The following MYO1D variants were observed in gnomAD, a reference collection of about 807,000 sequenced individuals.
MYO1D encodes unconventional myosin-Id.
MYO1D carries 83 observed loss-of-function variants against 122.0 expected under a neutral mutation model. That is an observed-to-expected ratio of 0.68 (90% CI 0.57 to 0.82). MYO1D has a LOEUF of 0.82. Ranked by LOEUF, MYO1D falls within the 40% of genes least tolerant of loss-of-function variation. The pLI is 0.00. For synonymous variants in MYO1D, 464 were observed against 446.9 expected (o/e 1.04, Z -0.48); for missense variants, 1,157 against 1,269.5 (o/e 0.91, Z 1.35).
intron 1 of MYO1D, among the ~76,000 whole-genome samples, chr17:32,857,638 C>G (rs1015331608): frequency 2.2e-4 from 33 of 152,090 alleles, no homozygotes; most frequent in African/African-American, 8.0e-4. Context: ...GGTCTTCTCA[C>G]CGTCCCTGAA....
chr17:32,565,671 C>T (rs746015478), intron 21 of MYO1D, among the ~76,000 whole-genome samples: 1 of 152,286 alleles, frequency 6.6e-6, no homozygotes, highest in Admixed American at 6.5e-5. Context: ...TTACCACTGG[C>T]ATCTGAACAG....
chr17:32,837,608 C>CA (rs1472935649), intron 1 of MYO1D, among the ~76,000 whole-genome samples: 6 of 152,146 alleles, frequency 3.9e-5, no homozygotes, highest in African/African-American at 1.4e-4. Context: ...CATCCATACT[C>CA]ACAGAAGTTG....
At chr17:32,764,208 T>C (rs1385551082) in intron 8 of MYO1D, among the ~76,000 whole-genome samples, 1 of 151,994 alleles carries the variant, frequency 6.6e-6, no homozygotes, top group Non-Finnish European at 1.5e-5. Flanking sequence ...CTATATGCAA[T>C]CTGAAAAAGT....
At chr17:32,628,852 C>T (rs897867501) in intron 20 of MYO1D, among the ~76,000 whole-genome samples, 9 of 152,102 alleles carry the variant, frequency 5.9e-5, no homozygotes, top group African/African-American at 2.2e-4. Flanking sequence ...TAAATTTAGT[C>T]TTATCACAGG....
At chr17:32,827,587 T>TA (rs926938916) in intron 1 of MYO1D, among the ~76,000 whole-genome samples, 2 of 152,154 alleles carry the variant, frequency 1.3e-5, no homozygotes, top group East Asian at 3.8e-4. Flanking sequence ...TTTACTACAA[T>TA]AAAAAAATTA....
At chr17:32,875,137 T>C (rs2091217346) in intron 1 of MYO1D, among the ~76,000 whole-genome samples, 1 of 152,232 alleles carries the variant, frequency 6.6e-6, no homozygotes, top group Non-Finnish European at 1.5e-5. Flanking sequence ...TTGTATACAG[T>C]ATGTACATAA....
intron 1 of MYO1D, among the ~76,000 whole-genome samples, chr17:32,873,095 C>A (rs2091197184): frequency 6.6e-6 from 1 of 152,040 alleles, no homozygotes; most frequent in African/African-American, 2.4e-5. Context: ...AAAAGAAGGC[C>A]AGATTAATAG....
chr17:32,770,190 G>A (rs2090099154), intron 6 of MYO1D, among the ~76,000 whole-genome samples: 1 of 152,124 alleles, frequency 6.6e-6, no homozygotes. Flanking sequence ...TCTATGCACA[G>A]CAATAAAAAT....
At chr17:32,676,833 C>T (rs1316624019) in intron 16 of MYO1D, among the ~76,000 whole-genome samples, 2 of 149,486 alleles carry the variant, frequency 1.3e-5, no homozygotes, top group Non-Finnish European at 3.0e-5. Flanking sequence ...TTTTTTGAGA[C>T]GGAGTCTTGC....
chr17:32,850,779 T>C (rs1015690587), intron 1 of MYO1D, among the ~76,000 whole-genome samples: 15 of 152,154 alleles, frequency 9.9e-5, no homozygotes, highest in Admixed American at 3.9e-4. Flanking sequence ...ATTAGTGAAT[T>C]TGAGGGGAAT....
chr17:32,782,621 T>G (rs2090250288), intron 1 of MYO1D, among the ~76,000 whole-genome samples: 2 of 152,232 alleles, frequency 1.3e-5, no homozygotes, highest in African/African-American at 4.8e-5. Context: ...ACATGAGGAA[T>G]GAATGAATTC....
chr17:32,528,004 A>G (rs1038422313), intron 21 of MYO1D, among the ~76,000 whole-genome samples: 2 of 151,932 alleles, frequency 1.3e-5, no homozygotes, highest in African/African-American at 4.8e-5. Flanking sequence ...AGGCCTGGCT[A>G]ATTTTTGTAT....
intron 16 of MYO1D, among the ~76,000 whole-genome samples, chr17:32,690,761 A>G (rs1361070914): frequency 6.6e-6 from 1 of 152,154 alleles, no homozygotes; most frequent in Non-Finnish European, 1.5e-5. Flanking sequence ...TGAGGGCCTC[A>G]CCAGGAGCAG....
intron 21 of MYO1D, among the ~76,000 whole-genome samples, chr17:32,578,269 G>A (rs1752777677): frequency 6.6e-6 from 1 of 152,184 alleles, no homozygotes; most frequent in South Asian, 2.1e-4. Context: ...AATCATAGAG[G>A]GTCACATAGG....
chr17:32,779,825 T>C (rs1427296594), intron 2 of MYO1D, among the ~76,000 whole-genome samples: 2 of 152,232 alleles, frequency 1.3e-5, no homozygotes, highest in Non-Finnish European at 2.9e-5. Context: ...CTGTTCTACA[T>C]ACCAGAGAGT....
Position 32,721,062 on chromosome 17 carries a change from C to T in MYO1D, c.1874G>A (p.Gly625Glu). Reference sequence around the variant, plus strand: ...CTCGTATGTCTGGCGGAAGGCAAATCCTGCCCGACGCACTCTCACATTTTC... The same window carrying T: ...CTCGTATGTCTGGCGGAAGGCAAATTCTGCCCGACGCACTCTCACATTTTC... ...LLENVRVRRA[G>E]FAFRQTYEKF... Residue 625 changes from glycine (G) to glutamate (E), a missense_variant, in exon 15 of 22, where the codon GGA becomes GAA. Gly to Glu is a moderately conservative substitution (Grantham distance 98, BLOSUM62 -2). Coordinates refer to ENST00000318217, the MANE Select transcript of MYO1D (RefSeq NM_015194.3). 6.2e-7 allele frequency: 1 copy of T among 1,614,158 alleles called. No homozygotes were observed.
intron 21 of MYO1D, among the ~76,000 whole-genome samples, chr17:32,584,634 A>T (rs1484839182): frequency 2.0e-5 from 3 of 151,906 alleles, no homozygotes; most frequent in East Asian, 1.9e-4. Context: ...CTGGTACTAC[A>T]GGTGCATGCC....
At chr17:32,582,393 T>C (rs561336055) in intron 21 of MYO1D, among the ~76,000 whole-genome samples, 3 of 152,384 alleles carry the variant, frequency 2.0e-5, no homozygotes, top group African/African-American at 7.2e-5. Context: ...AAAATACTAA[T>C]GTCTCTTAAT....
chr17:32,711,264 A>T (rs182623118), intron 16 of MYO1D, among the ~76,000 whole-genome samples: 1 of 152,338 alleles, frequency 6.6e-6, no homozygotes, highest in African/African-American at 2.4e-5. Flanking sequence ...TTGAGTCAGC[A>T]CTGAGGTCAA....
Sources: gnomAD v4.1 joint callset for allele counts (sites outside exome capture counted in the v4.1 genomes callset) on GRCh38, gnomAD v4.1.1 for gene constraint, MANE v1.5 for transcripts, NCBI Gene and HGNC (gene_info 2026-07-23, HGNC 2026-07-21) for gene names.